The following CBLN2 variants were observed in gnomAD, a reference collection of about 807,000 sequenced individuals.
CBLN2 encodes cerebellin-2.
CBLN2 carries 7 observed loss-of-function variants against 15.0 expected under a neutral mutation model. That is an observed-to-expected ratio of 0.47 (90% CI 0.27 to 0.88). CBLN2 has a LOEUF of 0.88. Ranked by LOEUF, CBLN2 falls within the 40% of genes least tolerant of loss-of-function variation. The probability of loss-of-function intolerance (pLI) is 0.14; values close to 1 mark genes in which losing one functional copy is unlikely to be tolerated. For missense variants in CBLN2, 242 were observed against 304.5 expected (o/e 0.79, Z 1.53); for synonymous variants, 149 against 135.2 (o/e 1.10, Z -0.71).
At chr18:72,552,723 A>G (rs1041949707) in intron 1 of CBLN2, 1 of 152,218 alleles carries the variant, frequency 6.6e-6, no homozygotes, top group Non-Finnish European at 1.5e-5. Flanking sequence ...CTTTTAAATT[A>G]CTGGAGAAAA....
intron 1 of CBLN2, among the ~76,000 whole-genome samples, chr18:72,610,918 G>T (rs1309460692): frequency 6.6e-6 from 1 of 152,022 alleles, no homozygotes; most frequent in East Asian, 1.9e-4. Context: ...GTAATCCCCA[G>T]TTTCTGTTAT....
At chr18:72,595,511 G>T (rs981967051) in intron 1 of CBLN2, among the ~76,000 whole-genome samples, 1 of 151,976 alleles carries the variant, frequency 6.6e-6, no homozygotes, top group African/African-American at 2.4e-5. Context: ...TTGGATGAAG[G>T]GCTCTGTAAA....
intron 1 of CBLN2, among the ~76,000 whole-genome samples, chr18:72,580,027 T>C (rs2069392758): frequency 6.6e-6 from 1 of 151,760 alleles, no homozygotes; most frequent in African/African-American, 2.4e-5. Context: ...AAAACTGGAG[T>C]TTTATTCTCC....
intron 1 of CBLN2, among the ~76,000 whole-genome samples, chr18:72,611,027 A>T (rs2069618337): frequency 1.3e-5 from 2 of 152,330 alleles, no homozygotes; most frequent in African/African-American, 4.8e-5. Flanking sequence ...TTTGCTTAGG[A>T]AAATGACCTC....
At chr18:72,613,313 A>C (rs1444886501) in intron 1 of CBLN2, among the ~76,000 whole-genome samples, 1 of 152,198 alleles carries the variant, frequency 6.6e-6, no homozygotes, top group African/African-American at 2.4e-5. Flanking sequence ...AGGTCTCTCT[A>C]TAGTGCCCAG....
chr18:72,554,378 G>A (rs2069210709), intron 1 of CBLN2, among the ~76,000 whole-genome samples: 1 of 151,808 alleles, frequency 6.6e-6, no homozygotes, highest in South Asian at 2.1e-4. Flanking sequence ...ATGAAAAAGG[G>A]GTTTTTTGAT....
chr18:72,589,517 T>C (rs764322590), intron 1 of CBLN2, among the ~76,000 whole-genome samples: 2 of 152,122 alleles, frequency 1.3e-5, no homozygotes, highest in Admixed American at 6.6e-5. Context: ...ATGGATGAGA[T>C]ACTATCAGGA....
intron 1 of CBLN2, among the ~76,000 whole-genome samples, chr18:72,616,560 G>T (rs2069663886): frequency 6.6e-6 from 1 of 152,186 alleles, no homozygotes; most frequent in Non-Finnish European, 1.5e-5. Flanking sequence ...GAAAGGATAT[G>T]ATTTTGATTC....
chr18:72,613,040 G>A (rs139920438), intron 1 of CBLN2, among the ~76,000 whole-genome samples: 14 of 152,216 alleles, frequency 9.2e-5, no homozygotes, highest in Middle Eastern at 6.8e-3. Context: ...CTTGTTTTGG[G>A]GAAGCATCAC....
At chr18:72,549,832 A>G (rs1329618191) in intron 1 of CBLN2, among the ~76,000 whole-genome samples, 1 of 152,146 alleles carries the variant, frequency 6.6e-6, no homozygotes, top group Non-Finnish European at 1.5e-5. Context: ...TGTAATTGTC[A>G]TGGATGGAGT....
chr18:72,600,841 G>C (rs745674942), intron 1 of CBLN2, among the ~76,000 whole-genome samples: 1 of 152,134 alleles, frequency 6.6e-6, no homozygotes. Flanking sequence ...AATCATAGGG[G>C]TGTGGAAAAC....
At chr18:72,615,116 AAT>A (rs1331101161) in intron 1 of CBLN2, among the ~76,000 whole-genome samples, 9 of 121,772 alleles carry the variant, frequency 7.4e-5, no homozygotes, top group African/African-American at 3.1e-4. Flanking sequence ...CATTTTAGAA[AAT>A]ATATATAAAT....
At chr18:72,607,470 T>C (rs1319813283) in intron 1 of CBLN2, among the ~76,000 whole-genome samples, 4 of 152,220 alleles carry the variant, frequency 2.6e-5, no homozygotes, top group Non-Finnish European at 5.9e-5. Context: ...GGATCAGTTG[T>C]GGCTACCTTC....
Position 72,537,865 on chromosome 18 carries a change from C to A in CBLN2, c.*311G>T. 2 of 395,894 alleles carry A rather than the reference C, an allele frequency of 5.1e-6. No individual in the cohort carries two copies. Among genetic ancestry groups the A allele is most frequent in the South Asian group, 2.5e-5 (1 of 39,414 alleles). The allele number at this position is 395,894 out of a possible 1,614,324, so 24.5% of individuals were successfully genotyped here. A position where few individuals can be genotyped will look rare whatever the true frequency, so the allele number is the denominator to read the frequency against. ...AATACAACATACAAACAAAAGAGGT[C>A]CATGGTCCCAACAATAAAATCCGAT... On this transcript the variant is annotated 3_prime_UTR_variant, in exon 5 of 5. Transcript: ENST00000269503.
chr18:72,572,833 A>T (rs1181111930), intron 1 of CBLN2, among the ~76,000 whole-genome samples: 1 of 152,066 alleles, frequency 6.6e-6, no homozygotes, highest in Non-Finnish European at 1.5e-5. Flanking sequence ...AAGACACAAA[A>T]AATGATTGTT....
intron 1 of CBLN2, among the ~76,000 whole-genome samples, chr18:72,627,679 C>T (rs2069749497): frequency 6.6e-6 from 1 of 152,216 alleles, no homozygotes; most frequent in African/African-American, 2.4e-5. Flanking sequence ...AAAATATGCG[C>T]AAGCACGATC....
At chr18:72,550,034 A>G (rs771083168) in intron 1 of CBLN2, among the ~76,000 whole-genome samples, 2 of 152,228 alleles carry the variant, frequency 1.3e-5, no homozygotes, top group Non-Finnish European at 2.9e-5. Flanking sequence ...GCCTATACAC[A>G]TATACAAAAG....
chr18:72,624,991 A>C (rs1183559171), intron 1 of CBLN2, among the ~76,000 whole-genome samples: 1 of 152,212 alleles, frequency 6.6e-6, no homozygotes, highest in Non-Finnish European at 1.5e-5. Flanking sequence ...AAAGTAAAGA[A>C]AAAAACAAAA....
At chr18:72,630,996 A>G (rs551313257) in intron 1 of CBLN2, 2 of 152,316 alleles carry the variant, frequency 1.3e-5, no homozygotes, top group East Asian at 3.9e-4. Flanking sequence ...TACGGTAACG[A>G]AGAAAAATTG....
Sources: allele counts gnomAD v4.1 joint callset (sites outside exome capture counted in the v4.1 genomes callset), GRCh38; gene constraint gnomAD v4.1.1; transcripts MANE v1.5; gene names NCBI Gene and HGNC (gene_info 2026-07-23, HGNC 2026-07-21).